Variants in GALNTL6 observed in about 807,000 individuals in gnomAD.
GALNTL6 encodes the protein polypeptide N-acetylgalactosaminyltransferase like 6, also known as polypeptide N-acetylgalactosaminyltransferase-like 6.
GALNTL6 carries 46 observed loss-of-function variants against 73.7 expected under a neutral mutation model. The ratio of observed to expected loss-of-function variants is 0.62; its 90% CI spans 0.49 to 0.80. The LOEUF (loss-of-function observed/expected upper bound fraction) is 0.80, where lower values mean the gene tolerates loss of function less well. GALNTL6 is among the 30% of genes least tolerant of loss of function. The probability of loss-of-function intolerance (pLI) is 0.00; values close to 1 mark genes in which losing one functional copy is unlikely to be tolerated. For missense variants in GALNTL6, 604 were observed against 755.0 expected, an observed-to-expected ratio of 0.80 and a Z score of 2.34; for synonymous variants, 259 against 263.7, an observed-to-expected ratio of 0.98 and a Z score of 0.17.
In GALNTL6 at chr4:172,741,935, G is replaced by A. The variant is rs1687374573; in HGVS notation, c.554-67426G>A. Among the ~76,000 whole-genome samples the A allele has an allele frequency of 3.3e-5, 5 of 151,484 alleles. No homozygotes were observed. In the South Asian group the frequency reaches 1.0e-3, roughly 31 times the overall value. On this transcript the variant is annotated intron_variant, in intron 5 of 12. Transcript: ENST00000506823. Reference sequence around the variant, plus strand: ...GTAACCTAAAGAATGAAGTTTAGCTGACAATCCTATATAAAACAATAGAGA... The same window carrying A: ...GTAACCTAAAGAATGAAGTTTAGCTAACAATCCTATATAAAACAATAGAGA...
chr4:172,960,866 G>C (rs1285798144), intron 10 of GALNTL6, among the ~76,000 whole-genome samples: 2 of 152,096 alleles, frequency 1.3e-5, no homozygotes, highest in South Asian at 4.1e-4. Flanking sequence ...GAAGAAGGAG[G>C]AATGGAGGGT....
intron 7 of GALNTL6, among the ~76,000 whole-genome samples, chr4:172,830,802 G>T (rs1479458527): frequency 6.6e-6 from 1 of 152,148 alleles, no homozygotes; most frequent in East Asian, 1.9e-4. Context: ...GATTCTCAAG[G>T]GTAGGTTAAA....
At chr4:171,894,451 A>G (rs1206878440) in intron 2 of GALNTL6, among the ~76,000 whole-genome samples, 2 of 152,246 alleles carry the variant, frequency 1.3e-5, no homozygotes, top group East Asian at 3.8e-4. Flanking sequence ...ACTACTCTAG[A>G]TAGGCATAGT....
At chr4:172,700,603 A>G (rs1406032226) in intron 5 of GALNTL6, among the ~76,000 whole-genome samples, 2 of 152,098 alleles carry the variant, frequency 1.3e-5, no homozygotes, top group Non-Finnish European at 2.9e-5. Context: ...GTTTTCCACA[A>G]TCAGCCATCC....
chr4:172,694,762 A>T (rs2111268666), intron 5 of GALNTL6, among the ~76,000 whole-genome samples: 1 of 152,314 alleles, frequency 6.6e-6, no homozygotes, highest in Non-Finnish European at 1.5e-5. Context: ...TCCCTTACGT[A>T]TGCATTTTGT....
chr4:172,067,486 C>CCA (rs1470787602), intron 2 of GALNTL6, among the ~76,000 whole-genome samples: 2,421 of 114,330 alleles, frequency 0.021, 315 homozygotes, highest in Admixed American at 0.023. Flanking sequence ...GTGTATATAG[C>CCA]CATCTACTTG....
chr4:172,806,463 T>C (rs1740968506), intron 5 of GALNTL6, among the ~76,000 whole-genome samples: 1 of 152,112 alleles, frequency 6.6e-6, no homozygotes, highest in Non-Finnish European at 1.5e-5. Context: ...AACCAAAGAA[T>C]ACAAAAGTCT....
intron 3 of GALNTL6, among the ~76,000 whole-genome samples, chr4:172,304,602 C>G (rs1165861975): frequency 6.6e-6 from 1 of 152,110 alleles, no homozygotes; most frequent in Non-Finnish European, 1.5e-5. Flanking sequence ...TGTAAAAACA[C>G]TGATTTATGT....
chr4:172,082,038 C>T (rs75730612), intron 2 of GALNTL6, among the ~76,000 whole-genome samples: 2,747 of 151,868 alleles, frequency 0.018, 74 homozygotes, highest in African/African-American at 0.06. Context: ...CAAATTGCCC[C>T]GCTAATTTTC....
chr4:172,571,747 C>T (rs1055999674), intron 5 of GALNTL6, among the ~76,000 whole-genome samples: 11 of 152,166 alleles, frequency 7.2e-5, no homozygotes, highest in African/African-American at 1.7e-4. Context: ...CTACTTTAAG[C>T]AATTTAGGAT....
At chr4:171,911,596 G>T (rs1737479486) in intron 2 of GALNTL6, among the ~76,000 whole-genome samples, 1 of 152,180 alleles carries the variant, frequency 6.6e-6, no homozygotes, top group Non-Finnish European at 1.5e-5. Flanking sequence ...TACGTGTGCT[G>T]ATTCCAGTGC....
chr4:171,832,974 T>C (rs1681093455), intron 2 of GALNTL6, among the ~76,000 whole-genome samples: 1 of 151,802 alleles, frequency 6.6e-6, no homozygotes, highest in African/African-American at 2.4e-5. Flanking sequence ...GAACAATTTT[T>C]CCATTTTTAA....
intron 3 of GALNTL6, among the ~76,000 whole-genome samples, chr4:172,293,264 C>A (rs1578918868): frequency 6.6e-6 from 1 of 152,072 alleles, no homozygotes; most frequent in Non-Finnish European, 1.5e-5. Flanking sequence ...ATGCCCCCAC[C>A]CTTTTTTTGT....
intron 5 of GALNTL6, among the ~76,000 whole-genome samples, chr4:172,373,687 C>T (rs911406942): frequency 6.6e-6 from 1 of 152,130 alleles, no homozygotes; most frequent in South Asian, 2.1e-4. Flanking sequence ...CCCCTATATT[C>T]ATGTAGATAA....
At chr4:172,612,555 C>G (rs1393009217) in intron 5 of GALNTL6, among the ~76,000 whole-genome samples, 1 of 152,018 alleles carries the variant, frequency 6.6e-6, no homozygotes, top group Non-Finnish European at 1.5e-5. Context: ...CGTGGTCATC[C>G]TTCCCTGGAA....
intron 2 of GALNTL6, among the ~76,000 whole-genome samples, chr4:171,991,665 C>G (rs1740336868): frequency 6.7e-6 from 1 of 149,172 alleles, no homozygotes; most frequent in Non-Finnish European, 1.5e-5. Flanking sequence ...TTATCAGTTT[C>G]TAGTTATTTC....
At chr4:172,874,902 T>C (rs1279300795) in intron 7 of GALNTL6, among the ~76,000 whole-genome samples, 2 of 152,186 alleles carry the variant, frequency 1.3e-5, no homozygotes, top group Non-Finnish European at 2.9e-5. Flanking sequence ...GACACACGGC[T>C]CTAGGCCTAG....
intron 5 of GALNTL6, among the ~76,000 whole-genome samples, chr4:172,628,772 A>AG (rs2111089142): frequency 6.6e-6 from 1 of 152,296 alleles, no homozygotes; most frequent in Admixed American, 6.5e-5. Flanking sequence ...TGCTAGTGCT[A>AG]GAAGACTTTC....
intron 2 of GALNTL6, among the ~76,000 whole-genome samples, chr4:172,062,354 T>C (rs976122083): frequency 6.6e-6 from 1 of 152,184 alleles, no homozygotes; most frequent in East Asian, 1.9e-4. Flanking sequence ...TGTCTATCTG[T>C]CCAGTAAATC....
Sources: allele counts gnomAD v4.1 joint callset (sites outside exome capture counted in the v4.1 genomes callset), GRCh38; gene constraint gnomAD v4.1.1; transcripts MANE v1.5; gene names NCBI Gene and HGNC (gene_info 2026-07-23, HGNC 2026-07-21).